ELMOD1: variants seen among roughly 807,000 people sequenced by gnomAD.
ELMOD1 encodes the protein ELMO domain containing 1.
ELMOD1 carries 21 observed loss-of-function variants against 46.7 expected under a neutral mutation model. The observed-to-expected ratio is 0.45, with a 90% CI of 0.32 to 0.65. The LOEUF (loss-of-function observed/expected upper bound fraction) is 0.65, where lower values mean the gene tolerates loss of function less well. Among genes scored for constraint, ELMOD1 ranks in the 30% least tolerant of loss-of-function variants. The pLI is 0.04. For synonymous variants in ELMOD1, 122 were observed against 138.2 expected (o/e 0.88, Z 0.82); for missense variants, 348 against 407.8 (o/e 0.85, Z 1.26).
intron 9 of ELMOD1, chr11:107,653,862 G>A (rs10890747): frequency 0.042 from 11,661 of 276,144 alleles, 337 homozygotes; most frequent in South Asian, 0.069. Flanking sequence ...GCGACATCTA[G>A]TTACCTCACT....
chr11:107,662,520 G>T (rs1247618077), intron 11 of ELMOD1, among the ~76,000 whole-genome samples: 1 of 151,334 alleles, frequency 6.6e-6, no homozygotes, highest in Non-Finnish European at 1.5e-5. Flanking sequence ...TGAGGCAGGA[G>T]AATCGCTTGA....
At chr11:107,650,239 T>C (rs1397846120) in intron 7 of ELMOD1, 96 bp from the exon 8 acceptor site, 3 of 837,206 alleles carry the variant, frequency 3.6e-6, no homozygotes, top group Non-Finnish European at 5.9e-6. Context: ...CCAGTATCCA[T>C]CTCTGGATTC....
chr11:107,620,533 C>G (rs1023633893), intron 2 of ELMOD1: 1 of 152,036 alleles, frequency 6.6e-6, no homozygotes, highest in Non-Finnish European at 1.5e-5. Context: ...GGTATGTATC[C>G]CCAGACCATC....
chr11:107,603,168 G>A (rs1338666499), intron 1 of ELMOD1, among the ~76,000 whole-genome samples: 1 of 152,166 alleles, frequency 6.6e-6, no homozygotes, highest in East Asian at 1.9e-4. Context: ...TTTCATCTCT[G>A]CTGATAGAAT....
At chr11:107,620,130 T>A (rs1865924092) in intron 2 of ELMOD1, 1 of 152,228 alleles carries the variant, frequency 6.6e-6, no homozygotes, top group Non-Finnish European at 1.5e-5. Flanking sequence ...CAGATGTTAA[T>A]TCCTGAGCTC....
chr11:107,630,553 A>G lies in ELMOD1; in HGVS notation c.154A>G (p.Met52Val), dbSNP rs756373831. ...TACCAAGCCGGGAGCTTCTAGAACC[A>G]TGAAAATCGGTAAGCCTGAGACAAA... ...YNTKPGASRT[M>V]KIETSLRDSK... Residue 52 changes from methionine to valine, a missense_variant, in exon 3 of 12, where the codon ATG (methionine) becomes GTG (valine). By Grantham distance (21) the Met-to-Val change is conservative (BLOSUM62 1). Transcript: ENST00000265840. 11 of 1,609,852 alleles carry G rather than the reference A, an allele frequency of 6.8e-6. No homozygotes were observed. The highest frequency in any genetic ancestry group is 3.4e-5 in the Admixed American group (2 of 59,342).
chr11:107,650,439 T>C, intron 8 of ELMOD1, 36 bp downstream of exon 8: 1 of 1,422,748 alleles, frequency 7.0e-7, no homozygotes, highest in Non-Finnish European at 9.7e-7. Context: ...TTAGGTTTTA[T>C]GGGTTAGATC....
chr11:107,592,732 G>C, intron 1 of ELMOD1: 1 of 190,036 alleles, frequency 5.3e-6, no homozygotes, highest in South Asian at 1.1e-4. Context: ...TCACTGTCAA[G>C]AACACTGAAA....
chr11:107,635,959 G>C (rs967396267), intron 6 of ELMOD1, among the ~76,000 whole-genome samples, 194 bp downstream of exon 6: 1 of 152,226 alleles, frequency 6.6e-6, no homozygotes, highest in African/African-American at 2.4e-5. Flanking sequence ...GAAAATTCCT[G>C]TGAGAAGTTA....
intron 5 of ELMOD1, among the ~76,000 whole-genome samples, chr11:107,633,666 C>T (rs1009189522): frequency 2.2e-4 from 33 of 152,092 alleles, no homozygotes; most frequent in African/African-American, 7.5e-4. Flanking sequence ...CCCCTGACCT[C>T]GTGATCTGCC....
intron 5 of ELMOD1, among the ~76,000 whole-genome samples, chr11:107,632,066 G>A (rs971344283): frequency 6.6e-5 from 10 of 152,152 alleles, no homozygotes; most frequent in African/African-American, 2.2e-4. Context: ...CTTCCTTCAT[G>A]AATATTACTT....
chr11:107,595,208 T>C (rs1003276779), intron 1 of ELMOD1, among the ~76,000 whole-genome samples: 1 of 151,948 alleles, frequency 6.6e-6, no homozygotes, highest in Non-Finnish European at 1.5e-5. Flanking sequence ...TGAGTGTCCA[T>C]ATGTGTGGTT....
At chr11:107,664,932 G>A (rs1021466841) in intron 11 of ELMOD1, 93 bp from the exon 12 acceptor site, 10 of 1,231,016 alleles carry the variant, frequency 8.1e-6, no homozygotes, top group Non-Finnish European at 1.1e-5. Context: ...CTGTGGCTTG[G>A]TTCAGCATCT....
chr11:107,600,716 A>G (rs1865582759), intron 1 of ELMOD1: 1 of 152,866 alleles, frequency 6.5e-6, no homozygotes, highest in Non-Finnish European at 1.5e-5. Flanking sequence ...ATTCCTATTA[A>G]ATATTTCCCA....
chr11:107,646,278 T>G (rs565035123), intron 6 of ELMOD1, among the ~76,000 whole-genome samples: 2 of 152,302 alleles, frequency 1.3e-5, no homozygotes, highest in African/African-American at 4.8e-5. Context: ...AAATTTACAA[T>G]TGTGCAGTAA....
intron 2 of ELMOD1, among the ~76,000 whole-genome samples, chr11:107,627,529 GT>G (rs1376650036): frequency 6.6e-6 from 1 of 152,182 alleles, no homozygotes; most frequent in East Asian, 1.9e-4. Flanking sequence ...ATGTAAGACT[GT>G]CTTGATGCAA....
intron 9 of ELMOD1, among the ~76,000 whole-genome samples, chr11:107,652,112 G>T (rs538710517): frequency 5.9e-5 from 9 of 152,306 alleles, no homozygotes; most frequent in Non-Finnish European, 1.2e-4. Flanking sequence ...CAAACTGATG[G>T]TAAATGTCAT....
chr11:107,665,002 T>C, intron 11 of ELMOD1, 23 bp from the exon 12 acceptor site: 1 of 1,590,250 alleles, frequency 6.3e-7, no homozygotes, highest in Non-Finnish European at 8.6e-7. Context: ...CCTGCATTCT[T>C]ATCATTGTAT....
At chr11:107,662,411 G>A (rs1446533626) in intron 11 of ELMOD1, among the ~76,000 whole-genome samples, 1 of 152,170 alleles carries the variant, frequency 6.6e-6, no homozygotes, top group African/African-American at 2.4e-5. Flanking sequence ...GGGAGTTCGA[G>A]ACCAGCCTGA....
Sources: gnomAD v4.1 joint callset for allele counts (sites outside exome capture counted in the v4.1 genomes callset) on GRCh38, gnomAD v4.1.1 for gene constraint, MANE v1.5 for transcripts, NCBI Gene and HGNC (gene_info 2026-07-23, HGNC 2026-07-21) for gene names.